KCNQ3: variants seen among roughly 807,000 people sequenced by gnomAD.
The protein encoded by KCNQ3 is potassium voltage-gated channel subfamily Q member 3.
KCNQ3 carries 30 observed loss-of-function variants against 92.5 expected under a neutral mutation model. The ratio of observed to expected loss-of-function variants is 0.32; its 90% CI spans 0.24 to 0.44. KCNQ3 has a LOEUF of 0.44. Among genes scored for constraint, KCNQ3 ranks in the 20% least tolerant of loss-of-function variants. The pLI, the probability that KCNQ3 is intolerant of heterozygous loss-of-function variation, is 1.00. For missense variants in KCNQ3, 913 were observed against 1,140.3 expected (o/e 0.80, Z 2.87); for synonymous variants, 450 against 468.8 (o/e 0.96, Z 0.52).
chr8:132,226,150 A>G (rs1814411940), intron 1 of KCNQ3, among the ~76,000 whole-genome samples: 1 of 152,112 alleles, frequency 6.6e-6, no homozygotes, highest in Non-Finnish European at 1.5e-5. Context: ...AGGCACCTGT[A>G]GTCTCAGCTA....
intron 1 of KCNQ3, among the ~76,000 whole-genome samples, chr8:132,342,638 G>A (rs1197384255): frequency 1.3e-5 from 2 of 152,220 alleles, no homozygotes; most frequent in African/African-American, 2.4e-5. Flanking sequence ...AGAAACTAGA[G>A]TTTGCCACCA....
Position 132,480,337 on chromosome 8 carries a change from T to C in KCNQ3, c.196A>G (p.Thr66Ala). Residue 66 changes from threonine (T) to alanine (A), a missense_variant, in exon 1 of 15, where the codon ACC becomes GCC. Physicochemically the swap from Thr to Ala is moderately conservative, Grantham distance 58. Transcript: ENST00000388996. ...CGGCCGCCGCCCTCCAGCAGCAGGG[T>C]CCCGTCTTTGTCGGCTCCGGCCCCG... ...ALGAGADKDG[T>A]LLLEGGGRDE... 6.3e-7 allele frequency: 1 copy of C among 1,598,880 alleles called. No individual in the cohort carries two copies. The highest frequency in any genetic ancestry group is 1.1e-5 in the South Asian group (1 of 89,364).
chr8:132,137,483 A>G (rs1236797689), intron 12 of KCNQ3, among the ~76,000 whole-genome samples: 1 of 152,234 alleles, frequency 6.6e-6, no homozygotes, highest in Non-Finnish European at 1.5e-5. Context: ...CTATTTCCAT[A>G]TCTTTCACTA....
rs200457183 is a variant in KCNQ3, at chr8:132,211,952, CAAA to C, written c.387-25774_387-25772del. Among the ~76,000 whole-genome samples, 90 of 62,664 alleles carry C rather than the reference CAAA, an allele frequency of 1.4e-3. No homozygotes were observed. In the East Asian group the frequency reaches 0.028, roughly 20 times the overall value. The allele number at this position is 62,664 out of a possible 152,430, so 41.1% of individuals were successfully genotyped here. A position where few individuals can be genotyped will look rare whatever the true frequency, so the allele number is the denominator to read the frequency against. ...TGAGTGACAGTGCTAGACTCCATCT[CAAA>C]AAAAAAAAAAAAAAAAACTTTTAAC... On this transcript the variant is annotated intron_variant, in intron 1 of 14. Transcript: ENST00000388996.
intron 14 of KCNQ3, among the ~76,000 whole-genome samples, chr8:132,130,936 A>C (rs562856226): frequency 1.5e-4 from 23 of 152,290 alleles, no homozygotes; most frequent in Non-Finnish European, 2.8e-4. Context: ...GTATCACCCT[A>C]TTTTACAGGT....
chr8:132,475,998 G>A (rs537036571), intron 1 of KCNQ3, among the ~76,000 whole-genome samples: 2 of 152,346 alleles, frequency 1.3e-5, no homozygotes, highest in African/African-American at 4.8e-5. Flanking sequence ...CTGTGTCCCA[G>A]CCGCTCCAGT....
intron 2 of KCNQ3, 128 bp from the exon 3 acceptor site, chr8:132,184,495 T>TTG: frequency 8.3e-6 from 5 of 599,024 alleles, no homozygotes; most frequent in East Asian, 5.2e-5. Flanking sequence ...TTGGCAGGGA[T>TTG]GGCTGGGGAT....
intron 1 of KCNQ3, among the ~76,000 whole-genome samples, chr8:132,205,290 A>G (rs1375999357): frequency 6.6e-6 from 1 of 152,230 alleles, no homozygotes; most frequent in Non-Finnish European, 1.5e-5. Context: ...TGGGAGAAAC[A>G]AAAGTGTTAC....
chr8:132,337,030 AT>A (rs1237004054), intron 1 of KCNQ3, among the ~76,000 whole-genome samples: 1 of 152,152 alleles, frequency 6.6e-6, no homozygotes, highest in Non-Finnish European at 1.5e-5. Context: ...TCCTTTGTGC[AT>A]TTTTTCCTTC....
At chr8:132,460,155 G>T (rs962110899) in intron 1 of KCNQ3, among the ~76,000 whole-genome samples, 1 of 152,136 alleles carries the variant, frequency 6.6e-6, no homozygotes, top group African/African-American at 2.4e-5. Context: ...CATTTATTCA[G>T]GGATCCCTGT....
At chr8:132,324,555 G>C (rs1817986439) in intron 1 of KCNQ3, among the ~76,000 whole-genome samples, 1 of 152,182 alleles carries the variant, frequency 6.6e-6, no homozygotes, top group Non-Finnish European at 1.5e-5. Context: ...AGAAGAAAAG[G>C]GGAGTGGACA....
chr8:132,261,139 AAG>A, intron 1 of KCNQ3, among the ~76,000 whole-genome samples: 1 of 152,362 alleles, frequency 6.6e-6, no homozygotes, highest in South Asian at 2.1e-4. Flanking sequence ...AACTGGGACT[AAG>A]AATATGCAGG....
intron 1 of KCNQ3, among the ~76,000 whole-genome samples, chr8:132,397,774 A>T (rs1029869278): frequency 6.6e-6 from 1 of 152,170 alleles, no homozygotes; most frequent in African/African-American, 2.4e-5. Flanking sequence ...AAGCTAAGGA[A>T]CTTGTTCAAG....
At chr8:132,291,471 G>C (rs1021440681) in intron 1 of KCNQ3, among the ~76,000 whole-genome samples, 1 of 152,104 alleles carries the variant, frequency 6.6e-6, no homozygotes, top group African/African-American at 2.4e-5. Context: ...TATCATAAAG[G>C]CAATTAATTA....
At chr8:132,170,776 C>A (rs928626063) in intron 7 of KCNQ3, among the ~76,000 whole-genome samples, 3 of 151,376 alleles carry the variant, frequency 2.0e-5, no homozygotes, top group Non-Finnish European at 2.9e-5. Context: ...CTTTGGGAGA[C>A]CAAGGTGGGA....
intron 1 of KCNQ3, among the ~76,000 whole-genome samples, chr8:132,473,460 T>C (rs1052053793): frequency 6.6e-6 from 1 of 152,202 alleles, no homozygotes; most frequent in Non-Finnish European, 1.5e-5. Context: ...GTCATTAGAG[T>C]ATATGTTCCA....
intron 1 of KCNQ3, among the ~76,000 whole-genome samples, chr8:132,423,056 TC>T (rs1821015472): frequency 6.6e-6 from 1 of 152,068 alleles, no homozygotes; most frequent in African/African-American, 2.4e-5. Context: ...AAAATGCCAA[TC>T]CCCTCTCCAG....
intron 9 of KCNQ3, among the ~76,000 whole-genome samples, chr8:132,161,296 G>A (rs980092086): frequency 2.0e-5 from 3 of 152,158 alleles, no homozygotes; most frequent in African/African-American, 7.2e-5. Context: ...GCTAGAAGGA[G>A]GCGATAAGAT....
chr8:132,146,597 C>CTTT (rs11420420), intron 9 of KCNQ3, among the ~76,000 whole-genome samples: 6 of 145,546 alleles, frequency 4.1e-5, no homozygotes, highest in Non-Finnish European at 6.0e-5. Context: ...TAGACCTGTA[C>CTTT]TTTTTTTTTT....
Sources: gnomAD v4.1 joint callset for allele counts (sites outside exome capture counted in the v4.1 genomes callset) on GRCh38, gnomAD v4.1.1 for gene constraint, MANE v1.5 for transcripts, NCBI Gene and HGNC (gene_info 2026-07-23, HGNC 2026-07-21) for gene names.